TMCC1: variants seen among roughly 807,000 people sequenced by gnomAD.
TMCC1 encodes the protein transmembrane and coiled-coil domain family 1, also known as transmembrane and coiled-coil domains protein 1.
In TMCC1, 15 loss-of-function variants were observed where a neutral mutation model predicts 52.4. The ratio of observed to expected loss-of-function variants is 0.29; its 90% CI spans 0.19 to 0.44. The LOEUF (loss-of-function observed/expected upper bound fraction) is 0.44, where lower values mean the gene tolerates loss of function less well. Among genes scored for constraint, TMCC1 ranks in the 20% least tolerant of loss-of-function variants. The pLI, the probability that TMCC1 is intolerant of heterozygous loss-of-function variation, is 1.00. For synonymous variants in TMCC1, 279 were observed against 301.9 expected (o/e 0.92, Z 0.79); for missense variants, 503 against 806.0 (o/e 0.62, Z 4.55).
chr3:129,806,324 C>T (rs1192079708), intron 4 of TMCC1, among the ~76,000 whole-genome samples: 2 of 152,154 alleles, frequency 1.3e-5, no homozygotes, highest in Non-Finnish European at 2.9e-5. Context: ...AGATGAAAAA[C>T]AGATCATCAT....
chr3:129,705,304 T>C (rs1340018222), intron 4 of TMCC1, among the ~76,000 whole-genome samples: 1 of 152,144 alleles, frequency 6.6e-6, no homozygotes, highest in East Asian at 1.9e-4. Flanking sequence ...CACTATGGCA[T>C]CCATGGGTTC....
chr3:129,870,698 C>A (rs2060872659), intron 2 of TMCC1, among the ~76,000 whole-genome samples: 1 of 95,134 alleles, frequency 1.1e-5, no homozygotes, highest in East Asian at 3.5e-4. Context: ...CAGATCGTGC[C>A]ACTGCACTCC....
intron 4 of TMCC1, among the ~76,000 whole-genome samples, chr3:129,683,653 A>G (rs2089185542): frequency 6.6e-6 from 1 of 152,180 alleles, no homozygotes; most frequent in South Asian, 2.1e-4. Flanking sequence ...TACAGAGGTG[A>G]ACTCTGGGCT....
intron 4 of TMCC1, among the ~76,000 whole-genome samples, chr3:129,752,683 A>C (rs9879401): frequency 0.014 from 2,148 of 150,856 alleles, 47 homozygotes; most frequent in African/African-American, 0.046. Context: ...CACACACACA[A>C]AAACTAATAC....
chr3:129,713,711 C>CT (rs2048864127), intron 4 of TMCC1, among the ~76,000 whole-genome samples: 1 of 60,170 alleles, frequency 1.7e-5, no homozygotes, highest in African/African-American at 5.5e-5. Context: ...ACCCCCATCT[C>CT]AAAAAAAAAA....
At chr3:129,756,676 C>T (rs557273208) in intron 4 of TMCC1, among the ~76,000 whole-genome samples, 78 of 152,112 alleles carry the variant, frequency 5.1e-4, no homozygotes, top group Non-Finnish European at 8.1e-4. Context: ...GGATTACAGG[C>T]GTGAGCCACC....
At chr3:129,735,243 A>T (rs1298955425) in intron 4 of TMCC1, among the ~76,000 whole-genome samples, 1 of 152,200 alleles carries the variant, frequency 6.6e-6, no homozygotes, top group Non-Finnish European at 1.5e-5. Flanking sequence ...GAAAGAAAAA[A>T]ACTATGAGAA....
intron 1 of TMCC1, among the ~76,000 whole-genome samples, chr3:129,881,260 A>G (rs903006394): frequency 6.6e-6 from 1 of 152,234 alleles, no homozygotes; most frequent in Non-Finnish European, 1.5e-5. Context: ...AATGACAGCA[A>G]TAAGCAAAAG....
At chr3:129,727,344 T>A (rs2050185892) in intron 4 of TMCC1, among the ~76,000 whole-genome samples, 1 of 152,166 alleles carries the variant, frequency 6.6e-6, no homozygotes, top group Non-Finnish European at 1.5e-5. Flanking sequence ...AGATTGTCTA[T>A]AGTGCTATGT....
At chr3:129,734,904 A>ATT (rs139829106) in intron 4 of TMCC1, among the ~76,000 whole-genome samples, 6 of 142,098 alleles carry the variant, frequency 4.2e-5, no homozygotes, top group Admixed American at 7.1e-5. Context: ...TCTGTTCGAA[A>ATT]TTTTTTTTTT....
At chr3:129,748,104 T>C (rs912550326) in intron 4 of TMCC1, among the ~76,000 whole-genome samples, 1 of 152,154 alleles carries the variant, frequency 6.6e-6, no homozygotes, top group Non-Finnish European at 1.5e-5. Context: ...TACATACACC[T>C]AAAGAAATTT....
intron 2 of TMCC1, among the ~76,000 whole-genome samples, chr3:129,857,881 A>G (rs903619683): frequency 2.0e-5 from 3 of 152,176 alleles, no homozygotes; most frequent in Non-Finnish European, 4.4e-5. Flanking sequence ...GTAACTGTTA[A>G]CACATTATCT....
intron 4 of TMCC1, among the ~76,000 whole-genome samples, chr3:129,807,525 G>A (rs2057535656): frequency 6.6e-6 from 1 of 152,076 alleles, no homozygotes; most frequent in Non-Finnish European, 1.5e-5. Context: ...TATGCCTTGG[G>A]CTGCCAAGAT....
intron 4 of TMCC1, among the ~76,000 whole-genome samples, chr3:129,799,014 C>T (rs1207162861): frequency 2.0e-5 from 3 of 152,064 alleles, no homozygotes; most frequent in Non-Finnish European, 1.5e-5. Context: ...TTTACAAAAG[C>T]CCATGCAACT....
At chr3:129,887,082 T>C (rs1198566108) in intron 1 of TMCC1, among the ~76,000 whole-genome samples, 1 of 152,138 alleles carries the variant, frequency 6.6e-6, no homozygotes, top group Admixed American at 6.5e-5. Context: ...TTAATAGGTA[T>C]GGGGTTTCTT....
At chr3:129,797,417 CAAA>C (rs201049533) in intron 4 of TMCC1, among the ~76,000 whole-genome samples, 1 of 150,512 alleles carries the variant, frequency 6.6e-6, no homozygotes, top group South Asian at 2.1e-4. Context: ...GCCAAGTCTC[CAAA>C]AAAAAATTAC....
At chr3:129,848,787 T>G (rs1422457868) in intron 2 of TMCC1, among the ~76,000 whole-genome samples, 1 of 152,234 alleles carries the variant, frequency 6.6e-6, no homozygotes, top group Non-Finnish European at 1.5e-5. Context: ...CATATTCTCA[T>G]GAAGGACTAT....
chr3:129,699,212 T>C (rs2047633608), intron 4 of TMCC1, among the ~76,000 whole-genome samples: 1 of 152,112 alleles, frequency 6.6e-6, no homozygotes, highest in Admixed American at 6.6e-5. Flanking sequence ...AGTTAGGCAT[T>C]TTAAGTCACA....
intron 3 of TMCC1, among the ~76,000 whole-genome samples, chr3:129,829,439 C>A: frequency 1.6e-5 from 1 of 62,692 alleles, no homozygotes. Flanking sequence ...GCCATGGTTA[C>A]TAAAATCACA....
Sources: allele counts gnomAD v4.1 joint callset (sites outside exome capture counted in the v4.1 genomes callset), GRCh38; gene constraint gnomAD v4.1.1; transcripts MANE v1.5; gene names NCBI Gene and HGNC (gene_info 2026-07-23, HGNC 2026-07-21).